ECPAS: variants seen among roughly 807,000 people sequenced by gnomAD.
ECPAS encodes Ecm29 proteasome adaptor and scaffold, also known as proteasome adapter and scaffold protein ECM29.
ECPAS carries 70 observed loss-of-function variants against 255.1 expected under a neutral mutation model. The ratio of observed to expected loss-of-function variants is 0.27; its 90% CI spans 0.23 to 0.33. The LOEUF is 0.33. ECPAS is among the 10% of genes least tolerant of loss of function. The pLI is 1.00. For synonymous variants in ECPAS, 784 were observed against 775.0 expected (o/e 1.01, Z -0.19); for missense variants, 1,817 against 2,206.4 (o/e 0.82, Z 3.54).
chr9:111,407,784 T>C lies in ECPAS; in HGVS notation c.2652+787A>G, dbSNP rs1458605246. ...GCAAATGTCTCTTCATCCGGTTACT[T>C]AGTCTGCCAATATTTACTGAGGTCC... is the stretch of plus-strand genomic sequence containing the variant. On this transcript the variant is annotated intron_variant, in intron 24 of 49. Transcript: ENST00000684092. 2.0e-5 allele frequency among the ~76,000 whole-genome samples: 3 copies of C among 152,314 alleles called. No homozygotes were observed. In the East Asian group the frequency reaches 5.8e-4, roughly 29 times the overall value.
chr9:111,366,478 G>T, intron 47 of ECPAS, 44 bp downstream of exon 47: 1 of 1,447,280 alleles, frequency 6.9e-7, no homozygotes, highest in Non-Finnish European at 9.7e-7. Flanking sequence ...ATAAAATGCT[G>T]CGGGGAGGAA....
Position 111,392,490 on chromosome 9 carries a change from T to A in ECPAS, c.3092+278A>T, listed in dbSNP as rs561693742. ...CAAGCTTCTTCTCCGTATCTTAACT[T>A]CCATTTAGCCAACAGTAATTACGGC... On this transcript the variant is annotated intron_variant, in intron 28 of 49. Coordinates refer to ENST00000684092, the MANE Select transcript of ECPAS (RefSeq NM_001364929.1). Among the ~76,000 whole-genome samples, 37 of 152,300 alleles carry A rather than the reference T, an allele frequency of 2.4e-4. 1 individual carries two copies. The highest frequency in any genetic ancestry group is 3.4e-3 in the Middle Eastern group (1 of 294).
chr9:111,384,567 T>C lies in ECPAS; in HGVS notation c.3636A>G (p.Glu1212=), dbSNP rs552562121. 5 of 1,613,702 alleles carry C rather than the reference T, an allele frequency of 3.1e-6. No individual in the cohort carries two copies. Among genetic ancestry groups the C allele is most frequent in the African/African-American group, 1.3e-5 (1 of 75,036 alleles). The part of the protein sequence containing the change: ...TLFRVQDDIK[E]SVRKAAELAL... ...CTAGTTCTGCCGCTTTTCGTACAGA[T>C]TCCTAAAAATGACAAAAGTGTGACA... Residue 1212 remains glutamate (E), a splice_region_variant and synonymous_variant, in exon 34 of 50, where the codon GAA becomes GAG. Transcript: ENST00000684092.
chr9:111,365,971 A>G, intron 48 of ECPAS: 1 of 460,044 alleles, frequency 2.2e-6, no homozygotes. Flanking sequence ...TGTCGTTGCA[A>G]CCATTCTGTA....
intron 31 of ECPAS, among the ~76,000 whole-genome samples, chr9:111,388,322 CCTGAGCTCAGA>C (rs1028605786): frequency 2.0e-5 from 3 of 148,512 alleles, no homozygotes; most frequent in African/African-American, 7.5e-5. Context: ...AGGCTTGTGT[CCTGAGCTCAGA>C]CCTACAAAGC....
At position 111,440,477 on chromosome 9, in the gene ECPAS, G is replaced by A. The variant is rs1268439540; in HGVS notation, c.434C>T (p.Pro145Leu). The change falls in exon 6 of 50, where the codon CCT (proline) becomes CTT (leucine). Residue 145 changes from proline (P) to leucine (L), a missense_variant. Physicochemically the swap from Pro to Leu is moderately conservative, Grantham distance 98 (BLOSUM62 -3). Transcript: ENST00000684092. Reference sequence around the variant, plus strand: ...AGAAGCTGATTTTGATGATTCAACAGGGTATTTCATGTGAAAAAGGGTTGG... The same window carrying A: ...AGAAGCTGATTTTGATGATTCAACAAGGTATTTCATGTGAAAAAGGGTTGG... ...LIPTLFHMKY[P>L]VESSKSASPF... The A allele has an allele frequency of 1.2e-6, 2 of 1,612,068 alleles. No individual in the cohort carries two copies. Among genetic ancestry groups the A allele is most frequent in the Non-Finnish European group, 1.7e-6 (2 of 1,178,730 alleles).
At chr9:111,416,220 G>C (rs991010830) in intron 18 of ECPAS, 52 bp downstream of exon 18, 4 of 1,352,556 alleles carry the variant, frequency 3.0e-6, no homozygotes, top group Non-Finnish European at 4.2e-6. Flanking sequence ...GGTGTGGTGT[G>C]ATCTTTTTAG....
At chr9:111,412,169 A>T in intron 20 of ECPAS, 21 bp from the exon 21 acceptor site, 1 of 1,541,002 alleles carries the variant, frequency 6.5e-7, no homozygotes, top group Non-Finnish European at 8.7e-7. Flanking sequence ...TAAAAAAAAA[A>T]CAAATATATA....
intron 2 of ECPAS, among the ~76,000 whole-genome samples, chr9:111,471,282 C>T (rs547279616): frequency 6.6e-6 from 1 of 152,302 alleles, no homozygotes; most frequent in Non-Finnish European, 1.5e-5. Flanking sequence ...CACTGCTCTT[C>T]TAAACAATTC....
intron 12 of ECPAS, among the ~76,000 whole-genome samples, 177 bp from the exon 13 acceptor site, chr9:111,423,425 G>A (rs1207617633): frequency 6.6e-6 from 1 of 152,102 alleles, no homozygotes; most frequent in Non-Finnish European, 1.5e-5. Context: ...CAACAAAAAT[G>A]TCCAAACCCA....
At chr9:111,441,564 T>C (rs1013905193) in intron 5 of ECPAS, among the ~76,000 whole-genome samples, 1 of 152,198 alleles carries the variant, frequency 6.6e-6, no homozygotes, top group Admixed American at 6.5e-5. Flanking sequence ...TCAATCATAT[T>C]AATATTTTGA....
At chr9:111,368,828 T>C (rs2098123882) in intron 46 of ECPAS, among the ~76,000 whole-genome samples, 1 of 152,250 alleles carries the variant, frequency 6.6e-6, no homozygotes, top group South Asian at 2.1e-4. Flanking sequence ...TCTGTGATAC[T>C]TTCTTACAGC....
At chr9:111,378,827 A>G (rs1564502837) in intron 35 of ECPAS, 97 bp from the exon 36 acceptor site, 1 of 1,210,064 alleles carries the variant, frequency 8.3e-7, no homozygotes. Context: ...CACTGCATTA[A>G]AGCATATTTT....
chr9:111,423,109 G>T, intron 13 of ECPAS, 90 bp downstream of exon 13: 1 of 903,146 alleles, frequency 1.1e-6, no homozygotes, highest in South Asian at 1.5e-5. Context: ...TCAGAATCAC[G>T]ACAAATTTAT....
chr9:111,382,222 T>C (rs1042236290), intron 35 of ECPAS, among the ~76,000 whole-genome samples: 1 of 151,540 alleles, frequency 6.6e-6, no homozygotes, highest in African/African-American at 2.4e-5. Context: ...TAATGATCAC[T>C]ACTTAGATTA....
chr9:111,411,191 G>C, intron 21 of ECPAS, 49 bp from the exon 22 acceptor site: 1 of 1,570,122 alleles, frequency 6.4e-7, no homozygotes, highest in Non-Finnish European at 8.7e-7. Context: ...TCTCATATAC[G>C]CAAGAATACA....
chr9:111,368,053 A>C (rs556272336), intron 46 of ECPAS, among the ~76,000 whole-genome samples: 15 of 152,090 alleles, frequency 9.9e-5, no homozygotes, highest in Non-Finnish European at 1.3e-4. Context: ...AACAAACAAA[A>C]AAAAAACGAA....
At chr9:111,475,780 GA>G (rs1311203063) in intron 1 of ECPAS, among the ~76,000 whole-genome samples, 1 of 150,138 alleles carries the variant, frequency 6.7e-6, no homozygotes, top group African/African-American at 2.4e-5. Context: ...AAAAAAATCA[GA>G]ATGGAAATTA....
chr9:111,473,992 A>T (rs2132094513), intron 1 of ECPAS, among the ~76,000 whole-genome samples: 1 of 152,234 alleles, frequency 6.6e-6, no homozygotes, highest in East Asian at 1.9e-4. Context: ...AAAAGAAAAA[A>T]ATCTTGTAAG....
Sources: allele counts gnomAD v4.1 joint callset (sites outside exome capture counted in the v4.1 genomes callset), GRCh38; gene constraint gnomAD v4.1.1; transcripts MANE v1.5; gene names NCBI Gene and HGNC (gene_info 2026-07-23, HGNC 2026-07-21).